Variants in EFCAB5 observed in about 807,000 individuals in gnomAD.
The protein encoded by EFCAB5 is EF-hand calcium binding domain 5, also known as EF-hand calcium-binding domain-containing protein 5.
EFCAB5 carries 131 observed loss-of-function variants against 167.9 expected under a neutral mutation model. That is an observed-to-expected ratio of 0.78 (90% confidence interval 0.68 to 0.90). The LOEUF (loss-of-function observed/expected upper bound fraction) is 0.90. Ranked by LOEUF, EFCAB5 falls within the 40% of genes least tolerant of loss-of-function variation. The pLI is 0.00. For missense variants in EFCAB5, 1,663 were observed against 1,745.2 expected (o/e 0.95, Z 0.84); for synonymous variants, 574 against 602.8 (o/e 0.95, Z 0.70).
At chr17:30,091,819 G>A (rs1361814231) in intron 20 of EFCAB5, 52 bp from the exon 21 acceptor site, 2 of 1,564,758 alleles carry the variant, frequency 1.3e-6, no homozygotes, top group East Asian at 2.2e-5. Context: ...GTAATGTACA[G>A]CAATGTACAT....
At chr17:30,008,623 A>C (rs1039388824) in intron 7 of EFCAB5, among the ~76,000 whole-genome samples, 1 of 152,040 alleles carries the variant, frequency 6.6e-6, no homozygotes, top group African/African-American at 2.4e-5. Context: ...TTTAAAATTT[A>C]AAATTAATGA....
At chr17:30,009,868 T>C (rs2068855680) in intron 7 of EFCAB5, among the ~76,000 whole-genome samples, 1 of 152,152 alleles carries the variant, frequency 6.6e-6, no homozygotes, top group Non-Finnish European at 1.5e-5. Flanking sequence ...ACATGCAGGT[T>C]TGTTACATAT....
intron 3 of EFCAB5, among the ~76,000 whole-genome samples, chr17:29,948,137 A>G (rs899961252): frequency 5.3e-5 from 8 of 152,188 alleles, no homozygotes; most frequent in Non-Finnish European, 8.8e-5. Context: ...AAATTAACTC[A>G]TTCATTTTAA....
At chr17:29,944,621 TG>T (rs1337079003) in intron 3 of EFCAB5, among the ~76,000 whole-genome samples, 149 of 148,830 alleles carry the variant, frequency 1.0e-3, no homozygotes, top group Non-Finnish European at 1.7e-3. Flanking sequence ...TTTTCTGTTT[TG>T]TTTTGTTTTT....
intron 3 of EFCAB5, among the ~76,000 whole-genome samples, chr17:29,955,345 G>C (rs959954584): frequency 6.6e-6 from 1 of 152,134 alleles, no homozygotes; most frequent in Admixed American, 6.6e-5. Flanking sequence ...AATCATAGGG[G>C]TGGGTCTTTT....
chr17:29,986,893 C>T (rs527427699), intron 4 of EFCAB5, among the ~76,000 whole-genome samples: 48 of 151,934 alleles, frequency 3.2e-4, no homozygotes, highest in African/African-American at 9.6e-4. Flanking sequence ...GTGATCCGCC[C>T]GCCTCGGCCT....
In EFCAB5 at chr17:30,053,747, C is replaced by T; in HGVS notation, c.1793C>T (p.Ser598Leu). ...PRRVSVSEQGSSRESVAEQGS... is the reference protein window; with the variant it reads ...PRRVSVSEQGLSRESVAEQGS... ...AGAGTGTCAGTTTCAGAACAAGGAT[C>T]AAGCAGAGAGTCAGTTGCAGAACAA... The change falls in exon 10 of 23, where the codon TCA (serine) becomes TTA (leucine). Residue 598 changes from serine (S) to leucine (L), a missense_variant. By Grantham distance (145) the Ser-to-Leu change is moderately radical (BLOSUM62 -2). Transcript: ENST00000394835. The T allele has an allele frequency of 6.2e-7, 1 of 1,613,924 alleles. No individual in the cohort carries two copies. The highest frequency in any genetic ancestry group is 8.5e-7 in the Non-Finnish European group (1 of 1,179,862).
At chr17:29,959,018 T>G (rs1042483283) in intron 3 of EFCAB5, among the ~76,000 whole-genome samples, 1 of 152,214 alleles carries the variant, frequency 6.6e-6, no homozygotes, top group African/African-American at 2.4e-5. Flanking sequence ...TCTCTCTCTG[T>G]GCTGAGCTGC....
At position 29,993,035 on chromosome 17, in the gene EFCAB5, G is replaced by T. The variant is rs575698475; in HGVS notation, c.768-130G>T. 6.5e-6 allele frequency: 6 copies of T among 924,226 alleles called. No homozygotes were observed. In the South Asian group the frequency reaches 1.4e-4, roughly 21 times the overall value. The allele number at this position is 924,226 out of a possible 1,614,324, so 57.3% of individuals were successfully genotyped here. A position where few individuals can be genotyped will look rare whatever the true frequency, so the allele number is the denominator to read the frequency against. On this transcript the variant is annotated intron_variant, in intron 4 of 22. Coordinates refer to ENST00000394835, the MANE Select transcript of EFCAB5 (RefSeq NM_198529.4). Reference sequence around the variant, plus strand: ...CTTGTGGAAGAAGGGCTCACTACAGGCCTGAATCAAAGATTTTATGGAGAA... The same window carrying T: ...CTTGTGGAAGAAGGGCTCACTACAGTCCTGAATCAAAGATTTTATGGAGAA...
chr17:29,976,639 T>C (rs187712362), intron 4 of EFCAB5, among the ~76,000 whole-genome samples: 29 of 152,288 alleles, frequency 1.9e-4, no homozygotes, highest in African/African-American at 7.0e-4. Context: ...CTTCAATCCA[T>C]TGCAAAGCCT....
chr17:29,988,352 A>G (rs1406873466), intron 4 of EFCAB5, among the ~76,000 whole-genome samples: 2 of 152,250 alleles, frequency 1.3e-5, no homozygotes, highest in Admixed American at 1.3e-4. Context: ...GGAATGAACC[A>G]TGTATGAAGA....
At chr17:30,107,450 T>C in intron 22 of EFCAB5, among the ~76,000 whole-genome samples, 1 of 152,234 alleles carries the variant, frequency 6.6e-6, no homozygotes, top group Admixed American at 6.5e-5. Context: ...ATGAATTTGG[T>C]ATTGGTTTCA....
intron 9 of EFCAB5, 120 bp downstream of exon 9, chr17:30,051,337 A>G: frequency 1.3e-6 from 1 of 752,746 alleles, no homozygotes; most frequent in Admixed American, 2.7e-5. Flanking sequence ...ATCCCTTCAC[A>G]TAATAGCTCT....
intron 8 of EFCAB5, among the ~76,000 whole-genome samples, chr17:30,046,224 C>T (rs765557482): frequency 6.6e-6 from 1 of 152,070 alleles, no homozygotes; most frequent in Non-Finnish European, 1.5e-5. Context: ...GATTTGCATA[C>T]CTCATTGCAT....
At chr17:30,016,530 T>A (rs2069046475) in intron 7 of EFCAB5, among the ~76,000 whole-genome samples, 1 of 152,166 alleles carries the variant, frequency 6.6e-6, no homozygotes. Context: ...ACTCATTATA[T>A]GTGTATATTG....
At chr17:30,033,190 T>C (rs1166634145) in intron 7 of EFCAB5, among the ~76,000 whole-genome samples, 6 of 152,098 alleles carry the variant, frequency 3.9e-5, no homozygotes, top group Admixed American at 6.5e-5. Context: ...GCCATTCTCC[T>C]GCCTCAGCTT....
At chr17:30,062,313 C>T (rs2070446388) in intron 14 of EFCAB5, among the ~76,000 whole-genome samples, 1 of 152,100 alleles carries the variant, frequency 6.6e-6, no homozygotes, top group African/African-American at 2.4e-5. Flanking sequence ...CTCAAGATGG[C>T]CACATAGAGA....
In EFCAB5 at chr17:30,053,501, A is replaced by G; in HGVS notation, c.1547A>G (p.Gln516Arg). The part of the protein sequence containing the change: ...PEQQRGVTAE[Q>R]GPQRISIEEQ... ...CAGCAGAGAGGAGTAACTGCAGAAC[A>G]AGGACCACAAAGAATTTCAATTGAA... Residue 516 changes from glutamine (Q) to arginine (R), a missense_variant, in exon 10 of 23, where the codon CAA becomes CGA. By Grantham distance (43) the Gln-to-Arg change is conservative (BLOSUM62 1). Transcript: ENST00000394835. The G allele has an allele frequency of 1.2e-6, 2 of 1,614,020 alleles. No homozygotes were observed. The highest frequency in any genetic ancestry group is 1.7e-6 in the Non-Finnish European group (2 of 1,179,880).
At chr17:29,980,171 AAAAC>A (rs1567692561) in intron 4 of EFCAB5, among the ~76,000 whole-genome samples, 4 of 152,224 alleles carry the variant, frequency 2.6e-5, no homozygotes, top group Admixed American at 1.3e-4. Context: ...CTCCGTCTCA[AAAAC>A]AAACAAACAA....
Sources: gnomAD v4.1 joint callset for allele counts (sites outside exome capture counted in the v4.1 genomes callset) on GRCh38, gnomAD v4.1.1 for gene constraint, MANE v1.5 for transcripts, NCBI Gene and HGNC (gene_info 2026-07-23, HGNC 2026-07-21) for gene names.